AKAP10: variants seen among roughly 807,000 people sequenced by gnomAD.
AKAP10 encodes A-kinase anchor protein 10, mitochondrial.
A neutral mutation model predicts 80.8 loss-of-function variants in AKAP10; 24 were observed. That is an observed-to-expected ratio of 0.30 (90% CI 0.22 to 0.42). The LOEUF (loss-of-function observed/expected upper bound fraction) is 0.42, where lower values mean the gene tolerates loss of function less well. AKAP10 is among the 10% of genes least tolerant of loss of function. The probability of loss-of-function intolerance (pLI) is 1.00; values close to 1 mark genes in which losing one functional copy is unlikely to be tolerated. For missense variants in AKAP10, 661 were observed against 794.9 expected, an observed-to-expected ratio of 0.83 and a Z score of 2.03; for synonymous variants, 291 against 277.7, an observed-to-expected ratio of 1.05 and a Z score of -0.48.
At chr17:19,916,267 T>C (rs1220415059) in intron 12 of AKAP10, among the ~76,000 whole-genome samples, 3 of 152,248 alleles carry the variant, frequency 2.0e-5, no homozygotes, top group African/African-American at 4.8e-5. Context: ...ATGTAACACA[T>C]GTACACAGGC....
chr17:19,970,738 G>C (rs556997628), intron 1 of AKAP10, among the ~76,000 whole-genome samples: 1 of 151,988 alleles, frequency 6.6e-6, no homozygotes, highest in African/African-American at 2.4e-5. Flanking sequence ...CAGAAGAATC[G>C]CTTGAACCCG....
In AKAP10 at chr17:19,936,445, T is replaced by C. The variant is rs1319673076; in HGVS notation, c.1323-15A>G. 1.9e-6 allele frequency: 3 copies of C among 1,586,350 alleles called. No individual in the cohort carries two copies. Among genetic ancestry groups the C allele is most frequent in the Non-Finnish European group, 2.6e-6 (3 of 1,161,686 alleles). On this transcript the variant is annotated splice_polypyrimidine_tract_variant and intron_variant, in intron 8 of 14. Coordinates refer to ENST00000225737, the MANE Select transcript of AKAP10 (RefSeq NM_007202.4). ...GGGAGAAGTACCTATGGTAAAAAGA[T>C]ATCCGAAGTAAAATCAAATTCCATA...
chr17:19,975,725 G>C (rs546848692), intron 1 of AKAP10, among the ~76,000 whole-genome samples: 49 of 152,052 alleles, frequency 3.2e-4, no homozygotes, highest in Admixed American at 9.2e-4. Context: ...ACATTCTCTG[G>C]TTCACTACTC....
rs374925688 is a variant in AKAP10 at position 19,972,195 on chromosome 17, T to C, written c.89-3734A>G. Reference sequence around the variant, plus strand: ...TAGCCATGCTTCATATTCTCATCCTTGGTATTTTTAATTTTGCCAACTTAC... The same window carrying C: ...TAGCCATGCTTCATATTCTCATCCTCGGTATTTTTAATTTTGCCAACTTAC... On this transcript the variant is annotated intron_variant, in intron 1 of 14. Coordinates refer to ENST00000225737, the MANE Select transcript of AKAP10 (RefSeq NM_007202.4). Among the ~76,000 whole-genome samples, 9 of 152,338 alleles carry C rather than the reference T, an allele frequency of 5.9e-5. No individual in the cohort carries two copies. The South Asian group carries it at 1.0e-3, about 18-fold the overall frequency.
chr17:19,952,005 A>T (rs1301117887), intron 4 of AKAP10, among the ~76,000 whole-genome samples: 1 of 151,168 alleles, frequency 6.6e-6, no homozygotes, highest in East Asian at 1.9e-4. Flanking sequence ...AAAGATATTA[A>T]TATTATTATG....
intron 3 of AKAP10, among the ~76,000 whole-genome samples, chr17:19,959,228 T>C (rs577496964): frequency 1.6e-4 from 24 of 152,274 alleles, no homozygotes; most frequent in African/African-American, 5.8e-4. Flanking sequence ...TTAAAAACTA[T>C]ACTCAACCTC....
At chr17:19,929,999 CAAA>C (rs11365343) in intron 10 of AKAP10, among the ~76,000 whole-genome samples, 6 of 81,850 alleles carry the variant, frequency 7.3e-5, no homozygotes, top group Non-Finnish European at 1.0e-4. Flanking sequence ...CAACAAAAAC[CAAA>C]AAAAAAAAAA....
At chr17:19,936,185 A>G in intron 9 of AKAP10, 101 bp downstream of exon 9, 1 of 1,356,246 alleles carries the variant, frequency 7.4e-7, no homozygotes, top group Non-Finnish European at 9.9e-7. Flanking sequence ...GGACTGCTTC[A>G]ATTTCCACTG....
At chr17:19,911,557 G>A (rs2042689593) in intron 12 of AKAP10, among the ~76,000 whole-genome samples, 1 of 151,994 alleles carries the variant, frequency 6.6e-6, no homozygotes, top group Non-Finnish European at 1.5e-5. Context: ...GAAATCTCTG[G>A]GCTGGGCGCG....
intron 5 of AKAP10, among the ~76,000 whole-genome samples, chr17:19,942,201 T>A (rs2043057432): frequency 6.6e-6 from 1 of 152,202 alleles, no homozygotes; most frequent in Non-Finnish European, 1.5e-5. Context: ...GCAGCATGCA[T>A]GACAGTTAAA....
rs2043045055 is a variant in AKAP10 at position 19,940,928 on chromosome 17, C to T, written c.1144G>A (p.Asp382Asn). The T allele has an allele frequency of 6.2e-7, 1 of 1,609,620 alleles. No individual in the cohort carries two copies. Among genetic ancestry groups the T allele is most frequent in the South Asian group, 1.1e-5 (1 of 90,170 alleles). ...AGGGCTGACTCACAGAAGAGAATGT[C>T]AGCCAGGTAAACAGTTCCACTGGTC... is the stretch of plus-strand genomic sequence containing the variant. ...VLTSGTVYLA[D>N]ILFCESALFY... The change falls in exon 7 of 15, where the codon GAC becomes AAC. Residue 382 changes from aspartate (D) to asparagine (N), a missense_variant. Asp to Asn is a conservative substitution (Grantham distance 23). Transcript: ENST00000225737.
intron 5 of AKAP10, among the ~76,000 whole-genome samples, chr17:19,944,512 A>AG (rs2043082884): frequency 6.6e-6 from 1 of 151,990 alleles, no homozygotes; most frequent in Non-Finnish European, 1.5e-5. Flanking sequence ...AAAATTAGCC[A>AG]GGCGTGGTGG....
chr17:19,954,485 T>C (rs535672402), intron 4 of AKAP10, among the ~76,000 whole-genome samples: 26 of 139,322 alleles, frequency 1.9e-4, no homozygotes, highest in Non-Finnish European at 3.6e-4. Flanking sequence ...AAAACCATAA[T>C]ACTTTTTTTT....
chr17:19,917,729 T>C (rs1597490641), intron 12 of AKAP10, among the ~76,000 whole-genome samples: 1 of 152,144 alleles, frequency 6.6e-6, no homozygotes, highest in East Asian at 1.9e-4. Flanking sequence ...GAGGCCAGCA[T>C]GGTCAACATA....
intron 5 of AKAP10, among the ~76,000 whole-genome samples, chr17:19,943,089 A>G (rs777482080): frequency 5.9e-5 from 9 of 152,056 alleles, no homozygotes; most frequent in Non-Finnish European, 7.4e-5. Context: ...GGGTCTCACT[A>G]TGTTGACCAG....
Position 19,946,250 on chromosome 17 carries a change from T to A in AKAP10, c.976+1157A>T, listed in dbSNP as rs1418876481. Among the ~76,000 whole-genome samples the A allele has an allele frequency of 6.3e-3, 126 of 20,042 alleles. 6 individuals are homozygous for A. The highest frequency in any genetic ancestry group is 0.024 in the African/African-American group (107 of 4,512). 13.1% of individuals were successfully genotyped at this position (20,042 alleles called of 152,430 possible). On this transcript the variant is annotated intron_variant, in intron 5 of 14. Transcript: ENST00000225737. ...TATATATATATATTATATATATATA[T>A]ATATATATATATATATATATATATA...
intron 12 of AKAP10, among the ~76,000 whole-genome samples, chr17:19,918,229 A>C (rs539472069): frequency 6.0e-4 from 89 of 147,778 alleles, no homozygotes; most frequent in Non-Finnish European, 1.1e-3. Flanking sequence ...TCAAACAAAA[A>C]AAAAAAAAAA....
At chr17:19,952,633 T>C (rs2043228536) in intron 4 of AKAP10, among the ~76,000 whole-genome samples, 1 of 152,086 alleles carries the variant, frequency 6.6e-6, no homozygotes, top group African/African-American at 2.4e-5. Flanking sequence ...GCAGTGTCTA[T>C]ATAAATTGGA....
chr17:19,943,741 C>T (rs1358068430), intron 5 of AKAP10, among the ~76,000 whole-genome samples: 1 of 152,234 alleles, frequency 6.6e-6, no homozygotes, highest in Non-Finnish European at 1.5e-5. Context: ...GTCAGAAGCA[C>T]AGGCCACAAC....
Sources: allele counts gnomAD v4.1 joint callset (sites outside exome capture counted in the v4.1 genomes callset), GRCh38; gene constraint gnomAD v4.1.1; transcripts MANE v1.5; gene names NCBI Gene and HGNC (gene_info 2026-07-23, HGNC 2026-07-21).